Variants in VPS13A observed in about 807,000 individuals in gnomAD.
The protein encoded by VPS13A is vacuolar protein sorting 13 homolog A.
In VPS13A, 264 loss-of-function variants were observed where a neutral mutation model predicts 390.9. The ratio of observed to expected loss-of-function variants is 0.68; its 90% CI spans 0.61 to 0.75. The LOEUF is 0.75. VPS13A is among the 30% of genes least tolerant of loss of function. The pLI, the probability that VPS13A is intolerant of heterozygous loss-of-function variation, is 0.00. For synonymous variants in VPS13A, 1,231 were observed against 1,227.1 expected (o/e 1.00, Z -0.07); for missense variants, 3,409 against 3,733.9 (o/e 0.91, Z 2.27).
chr9:77,280,151 AT>A lies in VPS13A; in HGVS notation c.2825-3del. 6.3e-7 allele frequency: 1 copy of A among 1,594,784 alleles called. No homozygotes were observed. The highest frequency in any genetic ancestry group is 8.6e-7 in the Non-Finnish European group (1 of 1,166,116). On this transcript the variant is annotated splice_polypyrimidine_tract_variant and splice_region_variant and intron_variant, in intron 26 of 71. Coordinates refer to ENST00000360280, the MANE Select transcript of VPS13A (RefSeq NM_033305.3). Reference sequence around the variant, plus strand: ...ATGAAAAGATAATTTTTAAAAAATTATTTTTAGATGAAAACAAGAAACCAGT... The same window carrying A: ...ATGAAAAGATAATTTTTAAAAAATTATTTTAGATGAAAACAAGAAACCAGT...
At chr9:77,205,833 G>A (rs894175209) in intron 4 of VPS13A, 145 bp from the exon 5 acceptor site, 9 of 541,980 alleles carry the variant, frequency 1.7e-5, no homozygotes, top group Middle Eastern at 5.5e-4. Flanking sequence ...CTCATGATTC[G>A]CCCAGCTTGG....
intron 59 of VPS13A, among the ~76,000 whole-genome samples, chr9:77,360,953 G>A (rs1832108903): frequency 6.6e-6 from 1 of 151,978 alleles, no homozygotes; most frequent in African/African-American, 2.4e-5. Context: ...GAAATTTAGG[G>A]TATGTCCAGG....
intron 65 of VPS13A, 29 bp downstream of exon 65, chr9:77,370,607 T>C (rs769598807): frequency 6.2e-7 from 1 of 1,613,616 alleles, no homozygotes; most frequent in African/African-American, 1.3e-5. Context: ...TTGTGAAGAT[T>C]TTGGGAAATA....
intron 19 of VPS13A, among the ~76,000 whole-genome samples, chr9:77,240,726 A>C (rs1020796098): frequency 4.0e-5 from 6 of 151,188 alleles, no homozygotes; most frequent in Non-Finnish European, 5.9e-5. Flanking sequence ...GATCCATCTC[A>C]GCCTCCCAAA....
intron 31 of VPS13A, among the ~76,000 whole-genome samples, chr9:77,289,549 C>T (rs1827527874): frequency 6.6e-6 from 1 of 152,066 alleles, no homozygotes; most frequent in Non-Finnish European, 1.5e-5. Flanking sequence ...TCTTACAATA[C>T]CATGCTTCCA....
intron 24 of VPS13A, among the ~76,000 whole-genome samples, chr9:77,274,426 C>CAAAAAA (rs889400152): frequency 6.4e-5 from 4 of 62,200 alleles, no homozygotes; most frequent in Non-Finnish European, 9.5e-5. Context: ...GAGTCCGAAT[C>CAAAAAA]AAAAAAAAAA....
Position 77,326,388 on chromosome 9 carries a change from C to T in VPS13A, c.5991+3161C>T, listed in dbSNP as rs1301996355. ...CTCCTTTAGGTACCAGTTAGATATA[C>T]GTTAGGGTGTTTGAACTTGCCCCAC... On this transcript the variant is annotated intron_variant, in intron 45 of 71. Coordinates refer to ENST00000360280, the MANE Select transcript of VPS13A (RefSeq NM_033305.3). 3.3e-5 allele frequency among the ~76,000 whole-genome samples: 5 copies of T among 152,012 alleles called. No individual in the cohort carries two copies. In the East Asian group the frequency reaches 7.7e-4, roughly 23 times the overall value.
chr9:77,250,049 C>T (rs182379002), intron 20 of VPS13A, 48 bp from the exon 21 acceptor site: 32 of 1,598,284 alleles, frequency 2.0e-5, no homozygotes, highest in Non-Finnish European at 2.2e-5. Context: ...TTTATACTTA[C>T]ATTTTGAAGT....
rs756480488 is a variant in VPS13A at position 77,418,363 on chromosome 9, G to A, written c.*2357G>A. On this transcript the variant is annotated 3_prime_UTR_variant, in exon 72 of 72. Coordinates refer to ENST00000360280, the MANE Select transcript of VPS13A (RefSeq NM_033305.3). Reference sequence around the variant, plus strand: ...GTCTTCTGGTCTATGATAATTGTGTGAGGACTAAGGCAGAGTGCCTGTTCC... The same window carrying A: ...GTCTTCTGGTCTATGATAATTGTGTAAGGACTAAGGCAGAGTGCCTGTTCC... The A allele has an allele frequency of 6.6e-6, 1 of 152,170 alleles. No individual in the cohort carries two copies. Among genetic ancestry groups the A allele is most frequent in the African/African-American group, 2.4e-5 (1 of 41,442 alleles). The allele number at this position is 152,170 out of a possible 1,614,324, so 9.4% of individuals were successfully genotyped here. A position where few individuals can be genotyped will look rare whatever the true frequency, so the allele number is the denominator to read the frequency against.
chr9:77,221,229 C>A lies in VPS13A; in HGVS notation c.1034C>A (p.Pro345His), dbSNP rs1347719250. The A allele has an allele frequency of 6.2e-7, 1 of 1,612,908 alleles. No homozygotes were observed. Among genetic ancestry groups the A allele is most frequent in the Non-Finnish European group, 8.5e-7 (1 of 1,179,512 alleles). ...GGCGTTCTTGAAGTAAATGTTTGCC[C>A]CAGGTTATGGATGTGGTCATGGAAG... The part of the protein sequence containing the change: ...IHGVLEVNVC[P>H]RLWMWSWKHI... The change falls in exon 13 of 72, where the codon CCC becomes CAC. Residue 345 changes from proline (P) to histidine (H), a missense_variant. By Grantham distance (77) the Pro-to-His change is moderately conservative. Transcript: ENST00000360280.
chr9:77,357,663 T>G, intron 55 of VPS13A, 29 bp from the exon 56 acceptor site: 1 of 1,608,196 alleles, frequency 6.2e-7, no homozygotes, highest in South Asian at 1.1e-5. Flanking sequence ...ATAAATTAAT[T>G]TTTTCATTTG....
At position 77,247,261 on chromosome 9, in the gene VPS13A, C is replaced by A; in HGVS notation, c.1903C>A (p.Leu635Ile). ...AGAAAAGATTTACATTTTTCCAGGT[C>A]TACTGTATATTATTGAAACACAGAA... ...EEFRSKTATG[L>I]LYIIETQKVL... The change falls in exon 20 of 72, where the codon CTA (leucine) becomes ATA (isoleucine). Residue 635 changes from leucine (L) to isoleucine (I), a missense_variant and splice_region_variant. Coordinates refer to ENST00000360280, the MANE Select transcript of VPS13A (RefSeq NM_033305.3). 1 of 1,583,028 alleles carries A rather than the reference C, an allele frequency of 6.3e-7. No individual in the cohort carries two copies. Among genetic ancestry groups the A allele is most frequent in the South Asian group, 1.2e-5 (1 of 86,420 alleles).
intron 11 of VPS13A, 85 bp from the exon 12 acceptor site, chr9:77,220,192 A>G: frequency 1.3e-6 from 2 of 1,508,302 alleles, no homozygotes; most frequent in South Asian, 1.2e-5. Flanking sequence ...GCATTTCCCT[A>G]AAAAGTCAGT....
chr9:77,231,446 GT>G (rs908398100), intron 17 of VPS13A, among the ~76,000 whole-genome samples: 2 of 151,716 alleles, frequency 1.3e-5, no homozygotes, highest in African/African-American at 4.8e-5. Flanking sequence ...TTGTTATTTT[GT>G]TTTTTTATTT....
At chr9:77,224,077 A>G (rs941793168) in intron 13 of VPS13A, among the ~76,000 whole-genome samples, 7 of 152,116 alleles carry the variant, frequency 4.6e-5, no homozygotes, top group African/African-American at 9.7e-5. Flanking sequence ...CTGGATGACA[A>G]CATATCTGTT....
chr9:77,349,597 A>C (rs1414296757), intron 52 of VPS13A, among the ~76,000 whole-genome samples: 1 of 152,012 alleles, frequency 6.6e-6, no homozygotes, highest in Non-Finnish European at 1.5e-5. Flanking sequence ...CAGAATTTTT[A>C]TTTCAACTTT....
intron 26 of VPS13A, 101 bp from the exon 27 acceptor site, chr9:77,280,058 A>G: frequency 2.3e-6 from 2 of 861,606 alleles, no homozygotes; most frequent in East Asian, 2.9e-5. Context: ...GAACTCATAT[A>G]GGAAAGCCTT....
Position 77,339,506 on chromosome 9 carries a change from T to TA in VPS13A, c.6379-10_6379-9insA. 2.0e-6 allele frequency: 3 copies of TA among 1,526,826 alleles called. No individual in the cohort carries two copies. The highest frequency in any genetic ancestry group is 2.1e-5 in the Admixed American group (1 of 46,696). 94.6% of individuals were successfully genotyped at this position (1,526,826 alleles called of 1,614,324 possible). On this transcript the variant is annotated splice_polypyrimidine_tract_variant and intron_variant, in intron 47 of 71. Transcript: ENST00000360280. ...TAAATTTTGTTTTGTTTTTTTTTTT[T>TA]TTATTACAGGGAATTGAAAATTCGG...
intron 22 of VPS13A, among the ~76,000 whole-genome samples, chr9:77,253,233 T>C (rs539763786): frequency 6.6e-6 from 1 of 152,348 alleles, no homozygotes; most frequent in Non-Finnish European, 1.5e-5. Context: ...GTTCTTGTGT[T>C]TGTTGACCAT....
Sources: gnomAD v4.1 joint callset for allele counts (sites outside exome capture counted in the v4.1 genomes callset) on GRCh38, gnomAD v4.1.1 for gene constraint, MANE v1.5 for transcripts, NCBI Gene and HGNC (gene_info 2026-07-23, HGNC 2026-07-21) for gene names.